Variants in CHAT observed in about 807,000 individuals in gnomAD.
The protein encoded by CHAT is choline O-acetyltransferase.
CHAT carries 61 observed loss-of-function variants against 76.9 expected under a neutral mutation model. The observed-to-expected ratio is 0.79, with a 90% CI of 0.65 to 0.98. The LOEUF is 0.98. Ranked by LOEUF, CHAT falls within the 50% of genes least tolerant of loss-of-function variation. CHAT has a pLI of 0.00. For synonymous variants in CHAT, 407 were observed against 397.4 expected, an observed-to-expected ratio of 1.02 and a Z score of -0.29; for missense variants, 946 against 986.9, an observed-to-expected ratio of 0.96 and a Z score of 0.56.
chr10:49,610,188 C>T (rs1329617957), upstream of CHAT: 6 of 152,268 alleles, frequency 3.9e-5, no homozygotes, highest in South Asian at 1.2e-3. Context: ...CCGGCCCCCG[C>T]CCCGCCGACG....
chr10:49,625,538 A>G lies in CHAT; in HGVS notation c.818A>G (p.Tyr273Cys). ...GGGCAGCCCCTTTGCATGAAGCAATACTATGGGCTCTTCTCCTCCTACCGG... is the reference window on the plus strand; with the variant it reads ...GGGCAGCCCCTTTGCATGAAGCAATGCTATGGGCTCTTCTCCTCCTACCGG... The part of the protein sequence containing the change: ...LSGQPLCMKQ[Y>C]YGLFSSYRLP... The change falls in exon 6 of 15, where the codon TAC becomes TGC. Residue 273 changes from tyrosine to cysteine, a missense_variant. Tyr to Cys is a radical substitution (Grantham distance 194). Around this residue, in one of 3 missense-constraint regions of CHAT, gnomAD observed 548 missense variants for 516.2 expected, o/e 1.06. Coordinates refer to ENST00000337653, the MANE Select transcript of CHAT (RefSeq NM_020549.5). The G allele has an allele frequency of 6.2e-7, 1 of 1,613,692 alleles. No individual in the cohort carries two copies. Among genetic ancestry groups the G allele is most frequent in the Non-Finnish European group, 8.5e-7 (1 of 1,179,952 alleles).
intron 13 of CHAT, 21 bp downstream of exon 13, chr10:49,655,469 T>G: frequency 6.2e-7 from 1 of 1,608,776 alleles, no homozygotes; most frequent in African/African-American, 1.3e-5. Flanking sequence ...TCGCACCACC[T>G]CACAACACTG....
chr10:49,622,019 A>T, intron 4 of CHAT, 78 bp from the exon 5 acceptor site: 1 of 1,465,270 alleles, frequency 6.8e-7, no homozygotes, highest in Non-Finnish European at 9.4e-7. Flanking sequence ...GGAAGGAGGG[A>T]GGGGAGGCAG....
chr10:49,653,006 C>G (rs896679361), intron 11 of CHAT, among the ~76,000 whole-genome samples: 2 of 152,076 alleles, frequency 1.3e-5, no homozygotes, highest in African/African-American at 4.8e-5. Flanking sequence ...TTCTTTCAGG[C>G]AGTTGTTACT....
At chr10:49,622,526 C>G (rs1838767507) in intron 5 of CHAT, among the ~76,000 whole-genome samples, 1 of 152,188 alleles carries the variant, frequency 6.6e-6, no homozygotes, top group South Asian at 2.1e-4. Flanking sequence ...AATGGTGTCT[C>G]CAGCGGGAGA....
Position 49,623,462 on chromosome 10 carries a change from C to T in CHAT, c.752+1312C>T, listed in dbSNP as rs143176325. Among the ~76,000 whole-genome samples the T allele has an allele frequency of 2.6e-3, 389 of 152,282 alleles. 1 individual carries two copies. Among genetic ancestry groups the T allele is most frequent in the African/African-American group, 7.9e-3 (328 of 41,552 alleles). ...TAATTAATTAATTAATTTACTTATT[C>T]ACTTTGCAATGTAGTTATGCTGGGA... On this transcript the variant is annotated intron_variant, in intron 5 of 14. Transcript: ENST00000337653.
intron 7 of CHAT, among the ~76,000 whole-genome samples, chr10:49,642,554 T>G (rs751154344): frequency 2.0e-4 from 31 of 152,368 alleles, no homozygotes; most frequent in Non-Finnish European, 3.1e-4. Flanking sequence ...GGAGCCATTC[T>G]TTCCTGCTGC....
chr10:49,612,641 T>G, upstream of CHAT: 1 of 368,042 alleles, frequency 2.7e-6, no homozygotes, highest in Non-Finnish European at 5.1e-6. Context: ...TGTCCTTCCT[T>G]CCATTGCTCC....
intron 7 of CHAT, among the ~76,000 whole-genome samples, chr10:49,640,138 A>C (rs1839431485): frequency 6.6e-6 from 1 of 151,654 alleles, no homozygotes; most frequent in South Asian, 2.1e-4. Context: ...AGGCTTTTTT[A>C]TGATTACTGC....
intron 4 of CHAT, among the ~76,000 whole-genome samples, chr10:49,621,146 G>A (rs1332518559): frequency 6.6e-6 from 1 of 152,252 alleles, no homozygotes; most frequent in Non-Finnish European, 1.5e-5. Context: ...GATGGGTGCA[G>A]GGAGAAAGGG....
chr10:49,663,328 C>A (rs559748805), intron 14 of CHAT, among the ~76,000 whole-genome samples: 2 of 152,328 alleles, frequency 1.3e-5, no homozygotes, highest in Admixed American at 1.3e-4. Context: ...GGAACATACC[C>A]ATTCTGGTGC....
chr10:49,652,004 C>T lies in CHAT; in HGVS notation c.1632C>T (p.Tyr544=). 1 of 1,614,188 alleles carries T rather than the reference C, an allele frequency of 6.2e-7. No homozygotes were observed. ...AGGTGGCCCTCCAGCTGGCCTTCTACAGGTGAGTGAAGGTGGAGTGAGTCT... is the reference window on the plus strand; with the variant it reads ...AGGTGGCCCTCCAGCTGGCCTTCTATAGGTGAGTGAAGGTGGAGTGAGTCT... ...FIQVALQLAF[Y]RLHRRLVPTY... The change falls in exon 11 of 15, where the codon TAC becomes TAT. Residue 544 remains tyrosine (Y), a splice_region_variant and synonymous_variant. Transcript: ENST00000337653.
At chr10:49,635,260 A>T (rs1839258492) in intron 7 of CHAT, among the ~76,000 whole-genome samples, 1 of 152,228 alleles carries the variant, frequency 6.6e-6, no homozygotes, top group South Asian at 2.1e-4. Flanking sequence ...CGTTGCATGT[A>T]TCAACAGTTC....
At chr10:49,660,885 A>G (rs1840173394) in intron 13 of CHAT, among the ~76,000 whole-genome samples, 1 of 152,234 alleles carries the variant, frequency 6.6e-6, no homozygotes, top group Non-Finnish European at 1.5e-5. Flanking sequence ...AGGAAACCTA[A>G]TAACTGGTAA....
chr10:49,632,426 G>A (rs1299257055), intron 7 of CHAT, among the ~76,000 whole-genome samples: 2 of 152,154 alleles, frequency 1.3e-5, no homozygotes, highest in Non-Finnish European at 2.9e-5. Flanking sequence ...CCACGGAAAG[G>A]GTTGAGCTAT....
intron 7 of CHAT, among the ~76,000 whole-genome samples, chr10:49,642,993 C>T (rs956234045): frequency 1.3e-5 from 2 of 152,186 alleles, no homozygotes; most frequent in African/African-American, 4.8e-5. Context: ...TGTTGATGAA[C>T]CTGAGCACTG....
At chr10:49,651,082 G>T (rs966581082) in intron 10 of CHAT, among the ~76,000 whole-genome samples, 4 of 152,174 alleles carry the variant, frequency 2.6e-5, no homozygotes, top group African/African-American at 7.2e-5. Context: ...TGGGGGTCCT[G>T]AGGGGCCCAT....
At chr10:49,610,731 G>C, upstream of CHAT, 2 of 1,504,370 alleles carry the variant, frequency 1.3e-6, 1 homozygote, top group Non-Finnish European at 1.8e-6. Context: ...AAGAGCATCG[G>C]GGTGGGGGCA....
At chr10:49,646,844 A>T (rs954856597) in intron 8 of CHAT, among the ~76,000 whole-genome samples, 170 bp downstream of exon 8, 8 of 152,164 alleles carry the variant, frequency 5.3e-5, no homozygotes, top group African/African-American at 1.9e-4. Context: ...GGAGAGCTGG[A>T]GGGGTCTGAG....
Sources: gnomAD v4.1 joint callset for allele counts (sites outside exome capture counted in the v4.1 genomes callset) on GRCh38, gnomAD v4.1.1 for gene constraint, gnomAD v4.1.1 regional missense constraint, MANE v1.5 for transcripts, NCBI Gene and HGNC (gene_info 2026-07-23, HGNC 2026-07-21) for gene names.